Variants in IMMP2L observed in about 807,000 individuals in gnomAD.
IMMP2L encodes the protein mitochondrial inner membrane protease subunit 2.
IMMP2L carries 18 observed loss-of-function variants against 19.3 expected under a neutral mutation model. That is an observed-to-expected ratio of 0.93 (90% CI 0.64 to 1.38). The LOEUF (loss-of-function observed/expected upper bound fraction) is 1.38. Ranked by LOEUF, IMMP2L falls within the 40% of genes most tolerant of loss-of-function variation. The pLI is 0.00. For synonymous variants in IMMP2L, 76 were observed against 73.0 expected (o/e 1.04, Z -0.21); for missense variants, 233 against 218.2 (o/e 1.07, Z -0.43).
chr7:111,243,510 CTTTA>C (rs1452122174), intron 3 of IMMP2L, among the ~76,000 whole-genome samples: 2 of 47,734 alleles, frequency 4.2e-5, no homozygotes, highest in African/African-American at 7.9e-5. Flanking sequence ...TTTCTTGTTG[CTTTA>C]TTTTTTTTTT....
At chr7:111,361,845 C>G (rs1829290284) in intron 3 of IMMP2L, among the ~76,000 whole-genome samples, 1 of 152,038 alleles carries the variant, frequency 6.6e-6, no homozygotes, top group Non-Finnish European at 1.5e-5. Context: ...TTTTTCTCAT[C>G]TACATTTTAC....
intron 3 of IMMP2L, among the ~76,000 whole-genome samples, chr7:111,281,088 G>GAGAGAGAAAGAGAGAA (rs1324133662): frequency 2.5e-4 from 9 of 35,788 alleles, no homozygotes; most frequent in South Asian, 1.9e-3. Context: ...AAGAAGGAAA[G>GAGAGAGAAAGAGAGAA]AGAGAGAAAG....
At chr7:110,922,668 G>C (rs1287474195) in intron 4 of IMMP2L, among the ~76,000 whole-genome samples, 2 of 152,090 alleles carry the variant, frequency 1.3e-5, no homozygotes, top group African/African-American at 4.8e-5. Flanking sequence ...GAACCACAGA[G>C]ATTAGAAAGA....
At chr7:111,018,026 A>G (rs1231874498) in intron 3 of IMMP2L, among the ~76,000 whole-genome samples, 1 of 152,214 alleles carries the variant, frequency 6.6e-6, no homozygotes, top group Non-Finnish European at 1.5e-5. Flanking sequence ...TTTGGGCTCT[A>G]ATATACATTA....
rs1190304440 is a variant in IMMP2L, at chr7:111,212,531, G to A, written c.240-248966C>T. 2.0e-5 allele frequency among the ~76,000 whole-genome samples: 3 copies of A among 151,858 alleles called. No homozygotes were observed. The East Asian group carries it at 5.8e-4, about 30-fold the overall frequency. On this transcript the variant is annotated intron_variant, in intron 3 of 5. Coordinates refer to ENST00000405709, the MANE Select transcript of IMMP2L (RefSeq NM_032549.4). ...GAGGATGAAGTGACAGAATCACTTAGGCCAGGGAGGCGGAGGCTGCAGTGA... is the reference window on the plus strand; with the variant it reads ...GAGGATGAAGTGACAGAATCACTTAAGCCAGGGAGGCGGAGGCTGCAGTGA...
intron 3 of IMMP2L, among the ~76,000 whole-genome samples, chr7:111,208,023 A>AC (rs1464773082): frequency 1.3e-5 from 2 of 151,754 alleles, no homozygotes; most frequent in Admixed American, 1.3e-4. Flanking sequence ...AGTTCAAAAG[A>AC]CCCCCTACCA....
At chr7:111,421,191 C>A in intron 3 of IMMP2L, among the ~76,000 whole-genome samples, 1 of 151,344 alleles carries the variant, frequency 6.6e-6, no homozygotes, top group Non-Finnish European at 1.5e-5. Context: ...TGTCTGTTGG[C>A]TGCATAGATG....
At chr7:110,756,066 A>G (rs1196439025) in intron 5 of IMMP2L, among the ~76,000 whole-genome samples, 2 of 152,114 alleles carry the variant, frequency 1.3e-5, no homozygotes. Flanking sequence ...ATTTAACAGC[A>G]CAGTTAAAGG....
At chr7:110,788,625 T>C (rs1379320271) in intron 5 of IMMP2L, among the ~76,000 whole-genome samples, 1 of 151,682 alleles carries the variant, frequency 6.6e-6, no homozygotes, top group Non-Finnish European at 1.5e-5. Context: ...TATATCCAAC[T>C]GTTTATTTGA....
intron 5 of IMMP2L, among the ~76,000 whole-genome samples, chr7:110,864,845 G>A (rs1047609463): frequency 6.6e-6 from 1 of 151,932 alleles, no homozygotes. Flanking sequence ...CAAAAACTAT[G>A]ATAACCACTC....
At chr7:110,893,571 C>G (rs1324640622) in intron 4 of IMMP2L, among the ~76,000 whole-genome samples, 1 of 152,076 alleles carries the variant, frequency 6.6e-6, no homozygotes, top group African/African-American at 2.4e-5. Flanking sequence ...ACTTTTTACA[C>G]AAATAATTTC....
intron 3 of IMMP2L, among the ~76,000 whole-genome samples, chr7:111,471,648 CTT>C: frequency 6.6e-6 from 1 of 152,162 alleles, no homozygotes; most frequent in Middle Eastern, 3.4e-3. Flanking sequence ...TAAAATTACA[CTT>C]GTTTCTTTTC....
intron 4 of IMMP2L, among the ~76,000 whole-genome samples, chr7:110,958,563 T>C (rs182498830): frequency 6.6e-6 from 1 of 152,174 alleles, no homozygotes; most frequent in African/African-American, 2.4e-5. Context: ...CTAATTGTAA[T>C]GCCCCATTCT....
At chr7:111,555,256 T>A (rs1489876537) in intron 1 of IMMP2L, among the ~76,000 whole-genome samples, 1 of 152,136 alleles carries the variant, frequency 6.6e-6, no homozygotes, top group Non-Finnish European at 1.5e-5. Context: ...AAATGGAGTT[T>A]TTACGCACAA....
chr7:110,778,187 A>G (rs1229983660), intron 5 of IMMP2L, among the ~76,000 whole-genome samples: 1 of 151,996 alleles, frequency 6.6e-6, no homozygotes, highest in Non-Finnish European at 1.5e-5. Flanking sequence ...AAGCTTTAAG[A>G]TATTTTAAAT....
chr7:111,486,217 G>A (rs928593684), intron 3 of IMMP2L, among the ~76,000 whole-genome samples: 17 of 152,112 alleles, frequency 1.1e-4, no homozygotes, highest in Non-Finnish European at 1.6e-4. Context: ...ACGAGATTTG[G>A]TTAATATGTT....
chr7:110,721,623 G>A (rs977657661), intron 5 of IMMP2L, among the ~76,000 whole-genome samples: 1 of 151,990 alleles, frequency 6.6e-6, no homozygotes, highest in Non-Finnish European at 1.5e-5. Context: ...ATTATTTAGA[G>A]AACATTTCAG....
intron 1 of IMMP2L, among the ~76,000 whole-genome samples, chr7:111,531,350 T>C (rs962219622): frequency 6.6e-6 from 1 of 151,910 alleles, no homozygotes; most frequent in African/African-American, 2.4e-5. Flanking sequence ...GGAAACCATA[T>C]AAAGCAAAAT....
intron 4 of IMMP2L, among the ~76,000 whole-genome samples, chr7:110,931,370 T>A (rs569027509): frequency 6.6e-6 from 1 of 152,140 alleles, no homozygotes; most frequent in Non-Finnish European, 1.5e-5. Flanking sequence ...AATTTATCCC[T>A]CACAGTCAAT....
Sources: allele counts gnomAD v4.1 joint callset (sites outside exome capture counted in the v4.1 genomes callset), GRCh38; gene constraint gnomAD v4.1.1; transcripts MANE v1.5; gene names NCBI Gene and HGNC (gene_info 2026-07-23, HGNC 2026-07-21).